WWOX: variants seen among roughly 807,000 people sequenced by gnomAD.
The protein encoded by WWOX is WW domain-containing oxidoreductase.
In WWOX, 69 loss-of-function variants were observed where a neutral mutation model predicts 46.2. That is an observed-to-expected ratio of 1.49 (90% CI 1.23 to 1.82). The LOEUF (loss-of-function observed/expected upper bound fraction) is 1.82. WWOX is among the 40% of genes most tolerant of loss of function. The pLI is 0.00. For missense variants in WWOX, 919 were observed against 542.6 expected, an observed-to-expected ratio of 1.69 and a Z score of -6.89; for synonymous variants, 359 against 202.6, an observed-to-expected ratio of 1.77 and a Z score of -6.56.
chr16:78,967,849 A>T (rs1459076889), intron 8 of WWOX, among the ~76,000 whole-genome samples: 1 of 152,126 alleles, frequency 6.6e-6, no homozygotes, highest in African/African-American at 2.4e-5. Context: ...ATGCCACATA[A>T]ATCAACTCTG....
Position 78,314,289 on chromosome 16 carries a change from T to C in WWOX, c.517-72571T>C, listed in dbSNP as rs2080308612. On this transcript the variant is annotated intron_variant, in intron 5 of 8. Transcript: ENST00000566780. ...CAGGCATGGTGGTGGGCCTGTAGTC[T>C]CAGCTACTCGGGAGGCTGAGGCAGG... is the stretch of plus-strand genomic sequence containing the variant. Among the ~76,000 whole-genome samples, 6 of 150,608 alleles carry C rather than the reference T, an allele frequency of 4.0e-5. No homozygotes were observed. In the South Asian group the frequency reaches 1.3e-3, roughly 32 times the overall value.
At chr16:78,826,791 G>A (rs2051670012) in intron 8 of WWOX, among the ~76,000 whole-genome samples, 1 of 152,130 alleles carries the variant, frequency 6.6e-6, no homozygotes, top group Non-Finnish European at 1.5e-5. Flanking sequence ...GGTTTGAGGG[G>A]TGGTATGAGG....
At chr16:78,218,243 G>T (rs1458119124) in intron 5 of WWOX, among the ~76,000 whole-genome samples, 2 of 152,000 alleles carry the variant, frequency 1.3e-5, no homozygotes, top group East Asian at 1.9e-4. Context: ...ATTTATGTAT[G>T]TGCATGTGTG....
intron 8 of WWOX, among the ~76,000 whole-genome samples, chr16:79,153,760 G>C (rs1022330984): frequency 6.6e-6 from 1 of 151,990 alleles, no homozygotes; most frequent in Non-Finnish European, 1.5e-5. Flanking sequence ...TTTTGGGGGG[G>C]GTTTTTTGTT....
At chr16:79,109,217 T>G (rs558145955) in intron 8 of WWOX, among the ~76,000 whole-genome samples, 1 of 152,300 alleles carries the variant, frequency 6.6e-6, no homozygotes, top group Admixed American at 6.5e-5. Context: ...TATTCCTTTG[T>G]CCCTTTTGCC....
intron 8 of WWOX, among the ~76,000 whole-genome samples, chr16:78,642,380 T>A (rs1191389401): frequency 2.0e-5 from 3 of 152,178 alleles, no homozygotes; most frequent in Non-Finnish European, 2.9e-5. Context: ...TATGCTGACT[T>A]TCCTTTTTTG....
chr16:79,182,884 T>C (rs1256332233), intron 8 of WWOX, among the ~76,000 whole-genome samples: 2 of 152,182 alleles, frequency 1.3e-5, no homozygotes, highest in Non-Finnish European at 2.9e-5. Flanking sequence ...GGCAAAGACA[T>C]ATTTAACAAA....
intron 8 of WWOX, among the ~76,000 whole-genome samples, chr16:78,651,005 G>C (rs1161141072): frequency 6.6e-6 from 1 of 152,232 alleles, no homozygotes; most frequent in South Asian, 2.1e-4. Context: ...GACTGATAGA[G>C]ATTTGGCTTT....
intron 5 of WWOX, among the ~76,000 whole-genome samples, chr16:78,178,480 T>G (rs373024483): frequency 1.3e-5 from 2 of 152,230 alleles, no homozygotes; most frequent in Non-Finnish European, 2.9e-5. Context: ...ATTCTTCCTC[T>G]TATGGGTAGT....
intron 8 of WWOX, among the ~76,000 whole-genome samples, chr16:79,125,882 C>T (rs951397174): frequency 5.9e-5 from 9 of 152,160 alleles, no homozygotes; most frequent in African/African-American, 1.9e-4. Context: ...CAAAGATTAT[C>T]GTCGAAGGCG....
At chr16:78,881,227 C>G (rs923318856) in intron 8 of WWOX, among the ~76,000 whole-genome samples, 7 of 152,064 alleles carry the variant, frequency 4.6e-5, no homozygotes, top group African/African-American at 1.2e-4. Context: ...GGTCTCAAAA[C>G]TCCTGGGCTC....
intron 8 of WWOX, among the ~76,000 whole-genome samples, chr16:78,882,583 C>A (rs889727827): frequency 1.1e-4 from 16 of 151,336 alleles, no homozygotes; most frequent in African/African-American, 3.9e-4. Context: ...TTCAAGTGAT[C>A]CTCTCTCCTC....
At chr16:78,123,435 G>GTTGTT (rs2033194462) in intron 4 of WWOX, 1 of 48,722 alleles carries the variant, frequency 2.1e-5, no homozygotes, top group Admixed American at 2.6e-4. Flanking sequence ...TTTGTTTTTT[G>GTTGTT]TTTTGTTTTT....
intron 8 of WWOX, among the ~76,000 whole-genome samples, chr16:78,911,826 G>C (rs1192061239): frequency 2.6e-5 from 4 of 152,030 alleles, no homozygotes; most frequent in African/African-American, 9.7e-5. Flanking sequence ...AGATCACGCT[G>C]ATGCATTCCA....
intron 8 of WWOX, among the ~76,000 whole-genome samples, chr16:79,094,752 C>T (rs937835444): frequency 2.6e-5 from 4 of 151,988 alleles, no homozygotes; most frequent in South Asian, 4.1e-4. Context: ...GAATAACAAC[C>T]TCTCATTTAA....
chr16:79,109,821 A>G (rs2049382470), intron 8 of WWOX, among the ~76,000 whole-genome samples: 2 of 152,216 alleles, frequency 1.3e-5, no homozygotes, highest in Non-Finnish European at 2.9e-5. Flanking sequence ...AGGCTCGATG[A>G]TACCTGCACA....
At chr16:78,890,032 A>G (rs937469997) in intron 8 of WWOX, among the ~76,000 whole-genome samples, 1 of 152,120 alleles carries the variant, frequency 6.6e-6, no homozygotes, top group Non-Finnish European at 1.5e-5. Flanking sequence ...TGAAGTTTGA[A>G]ACCAAGTGGC....
intron 8 of WWOX, among the ~76,000 whole-genome samples, chr16:78,750,112 A>G (rs2049441046): frequency 6.6e-6 from 1 of 152,224 alleles, no homozygotes; most frequent in Non-Finnish European, 1.5e-5. Context: ...CTTAAAAACA[A>G]GGAAGAAGAG....
intron 8 of WWOX, among the ~76,000 whole-genome samples, chr16:78,583,419 T>A (rs532490135): frequency 6.6e-6 from 1 of 152,212 alleles, no homozygotes. Flanking sequence ...CACTGTGGTA[T>A]CTTCAAAGGA....
Sources: allele counts gnomAD v4.1 joint callset (sites outside exome capture counted in the v4.1 genomes callset), GRCh38; gene constraint gnomAD v4.1.1; transcripts MANE v1.5; gene names NCBI Gene and HGNC (gene_info 2026-07-23, HGNC 2026-07-21).